Variants in TAFA2 observed in about 807,000 individuals in gnomAD.
TAFA2 encodes the protein chemokine-like protein TAFA-2.
A neutral mutation model predicts 18.8 loss-of-function variants in TAFA2; 7 were observed. That is an observed-to-expected ratio of 0.37 (90% CI 0.21 to 0.70). The LOEUF is 0.70. Among genes scored for constraint, TAFA2 ranks in the 30% least tolerant of loss-of-function variants. TAFA2 has a pLI of 0.53. For synonymous variants in TAFA2, 60 were observed against 54.2 expected, an observed-to-expected ratio of 1.11 and a Z score of -0.47; for missense variants, 122 against 158.1, an observed-to-expected ratio of 0.77 and a Z score of 1.23.
At chr12:62,178,519 C>A (rs978973095) in intron 1 of TAFA2, among the ~76,000 whole-genome samples, 7 of 152,138 alleles carry the variant, frequency 4.6e-5, no homozygotes, top group African/African-American at 1.7e-4. Flanking sequence ...GTTAGTCTAC[C>A]ATATTTCACA....
At chr12:62,186,800 G>C (rs1340311525) in intron 1 of TAFA2, among the ~76,000 whole-genome samples, 2 of 152,066 alleles carry the variant, frequency 1.3e-5, no homozygotes, top group African/African-American at 4.8e-5. Flanking sequence ...GAACAAAATA[G>C]AGTATTCTTC....
At chr12:62,015,433 G>T (rs1880903643) in intron 1 of TAFA2, among the ~76,000 whole-genome samples, 1 of 152,182 alleles carries the variant, frequency 6.6e-6, no homozygotes, top group African/African-American at 2.4e-5. Flanking sequence ...AGAAGAATAA[G>T]AGTTCCTCAA....
chr12:61,870,635 C>A (rs1451367126), intron 1 of TAFA2, among the ~76,000 whole-genome samples: 1 of 152,090 alleles, frequency 6.6e-6, no homozygotes, highest in Non-Finnish European at 1.5e-5. Flanking sequence ...TTTTTCTCCA[C>A]ACACACTCAC....
At chr12:61,883,149 G>T (rs1334799698) in intron 1 of TAFA2, among the ~76,000 whole-genome samples, 3 of 152,040 alleles carry the variant, frequency 2.0e-5, no homozygotes, top group Non-Finnish European at 2.9e-5. Context: ...TTTTTAATTT[G>T]GGGTTTGATG....
chr12:62,113,114 T>C (rs1869806854), intron 1 of TAFA2, among the ~76,000 whole-genome samples: 1 of 152,166 alleles, frequency 6.6e-6, no homozygotes, highest in Non-Finnish European at 1.5e-5. Context: ...CTCATCTTGG[T>C]GAATTTATAT....
At chr12:61,932,386 CGAGAAGT>C (rs1877593691) in intron 1 of TAFA2, among the ~76,000 whole-genome samples, 1 of 152,076 alleles carries the variant, frequency 6.6e-6, no homozygotes, top group African/African-American at 2.4e-5. Context: ...AGAAATCACT[CGAGAAGT>C]GAAAAGTGAA....
chr12:61,726,892 G>A (rs916834457), intron 4 of TAFA2, among the ~76,000 whole-genome samples: 2 of 151,882 alleles, frequency 1.3e-5, no homozygotes, highest in Non-Finnish European at 2.9e-5. Context: ...ATTATCTTAA[G>A]GTATGTCCCT....
intron 1 of TAFA2, among the ~76,000 whole-genome samples, chr12:62,154,774 A>G (rs1023600010): frequency 7.2e-5 from 11 of 152,148 alleles, no homozygotes; most frequent in African/African-American, 2.4e-4. Context: ...ACACACACAA[A>G]CACACACATT....
chr12:61,829,814 A>C (rs536609160), intron 2 of TAFA2, among the ~76,000 whole-genome samples: 1 of 151,732 alleles, frequency 6.6e-6, no homozygotes, highest in African/African-American at 2.4e-5. Flanking sequence ...TTTATTTCAA[A>C]TCATCTTTAG....
intron 1 of TAFA2, among the ~76,000 whole-genome samples, chr12:62,154,898 C>A (rs1039176531): frequency 1.3e-5 from 2 of 152,010 alleles, no homozygotes; most frequent in African/African-American, 4.8e-5. Flanking sequence ...GGACAAGGTG[C>A]CCACTCTCAG....
chr12:62,000,198 T>C (rs1324148464), intron 1 of TAFA2, among the ~76,000 whole-genome samples: 1 of 147,836 alleles, frequency 6.8e-6, no homozygotes, highest in African/African-American at 2.4e-5. Flanking sequence ...ACCCTGTACA[T>C]TAGCATTCTA....
At chr12:61,827,208 A>G (rs1163447168) in intron 2 of TAFA2, 1 of 152,066 alleles carries the variant, frequency 6.6e-6, no homozygotes, top group Non-Finnish European at 1.5e-5. Flanking sequence ...AGGAGATCAC[A>G]CTAAGGGGCT....
intron 1 of TAFA2, among the ~76,000 whole-genome samples, chr12:62,058,036 AAAC>A (rs1882231703): frequency 6.6e-6 from 1 of 152,228 alleles, no homozygotes; most frequent in Non-Finnish European, 1.5e-5. Flanking sequence ...AAATAAATAA[AAAC>A]AAATAAATAA....
chr12:61,947,464 A>C (rs1878316114), intron 1 of TAFA2, among the ~76,000 whole-genome samples: 2 of 150,014 alleles, frequency 1.3e-5, no homozygotes, highest in South Asian at 4.2e-4. Context: ...TAATTTAAAA[A>C]ATAAATAAAT....
chr12:61,815,271 G>A (rs533385573), intron 2 of TAFA2, among the ~76,000 whole-genome samples: 1 of 151,510 alleles, frequency 6.6e-6, no homozygotes, highest in East Asian at 1.9e-4. Flanking sequence ...GTAGATTGTA[G>A]AGTAAACCAG....
chr12:61,886,172 G>A (rs1374411666), intron 1 of TAFA2, among the ~76,000 whole-genome samples: 1 of 152,118 alleles, frequency 6.6e-6, no homozygotes, highest in Non-Finnish European at 1.5e-5. Context: ...CCTCCCTCTT[G>A]TCATTAGGTT....
intron 1 of TAFA2, among the ~76,000 whole-genome samples, chr12:62,112,378 C>T (rs556198601): frequency 2.6e-5 from 4 of 152,272 alleles, no homozygotes; most frequent in South Asian, 2.1e-4. Context: ...ATGGACTTCC[C>T]TTTGTGGGTA....
At chr12:61,853,707 C>T in intron 2 of TAFA2, among the ~76,000 whole-genome samples, 1 of 152,142 alleles carries the variant, frequency 6.6e-6, no homozygotes, top group Non-Finnish European at 1.5e-5. Context: ...GCTGCCCTTC[C>T]ACCAACCTGG....
chr12:62,081,241 G>A (rs1305544620), intron 1 of TAFA2, among the ~76,000 whole-genome samples: 1 of 151,994 alleles, frequency 6.6e-6, no homozygotes, highest in Non-Finnish European at 1.5e-5. Context: ...AGAATTTTAA[G>A]AAAATATTTG....
Sources: gnomAD v4.1 joint callset for allele counts (sites outside exome capture counted in the v4.1 genomes callset) on GRCh38, gnomAD v4.1.1 for gene constraint, MANE v1.5 for transcripts, NCBI Gene and HGNC (gene_info 2026-07-23, HGNC 2026-07-21) for gene names.